Variants in RAX2 observed in about 807,000 individuals in gnomAD.
RAX2 encodes retina and anterior neural fold homeobox 2, also known as retina and anterior neural fold homeobox protein 2.
In RAX2, 4 loss-of-function variants were observed where a neutral mutation model predicts 5.8. The ratio of observed to expected loss-of-function variants is 0.69; its 90% CI spans 0.34 to 1.58. The LOEUF is 1.58. RAX2 is among the 40% of genes most tolerant of loss of function. RAX2 has a pLI of 0.05. For synonymous variants in RAX2, 133 were observed against 128.8 expected (o/e 1.03, Z -0.22); for missense variants, 275 against 271.4 (o/e 1.01, Z -0.09).
chr19:3,772,080 C>T (rs2037272627), intron 1 of RAX2, 70 bp from the exon 2 acceptor site: 1 of 448,868 alleles, frequency 2.2e-6, no homozygotes, highest in Non-Finnish European at 4.3e-6. Flanking sequence ...GATCCCTTCT[C>T]ACGCCCTAAG....
At position 3,772,156 on chromosome 19, in the gene RAX2, C is replaced by T; in HGVS notation, c.-269+7G>A. 1 of 464,000 alleles carries T rather than the reference C, an allele frequency of 2.2e-6. No homozygotes were observed. The highest frequency in any genetic ancestry group is 1.6e-5 in the South Asian group (1 of 64,034). 28.7% of individuals were successfully genotyped at this position (464,000 alleles called of 1,614,324 possible). ...CCCAGGCCCACCAGTGCCCACCCCG[C>T]ACTCACCGCCCACGGCAGCCCCTCC... On this transcript the variant is annotated splice_region_variant and intron_variant, in intron 1 of 2. Transcript: ENST00000555633.
rs1016649745 is a variant in RAX2 at position 3,771,484 on chromosome 19, T to C, written c.216+43A>G. The stretch of plus-strand genomic sequence containing the variant: ...GGGTCAGGATCTTGCTTTGCCTCCC[T>C]CCCCAGGTTGCAAAAGATGTGTGTG... On this transcript the variant is annotated intron_variant, in intron 2 of 2. Coordinates refer to ENST00000555633, the MANE Select transcript of RAX2 (RefSeq NM_001319074.4). The surrounding 1 kb of genome is among the most constrained non-coding windows in gnomAD (Gnocchi z 4.2). 39 of 1,489,172 alleles carry C rather than the reference T, an allele frequency of 2.6e-5. No individual in the cohort carries two copies. The African/African-American group carries it at 4.4e-4, about 17-fold the overall frequency. 92.2% of individuals were successfully genotyped at this position (1,489,172 alleles called of 1,614,324 possible). A position where few individuals can be genotyped will look rare whatever the true frequency, so the allele number is the denominator to read the frequency against.
In RAX2 at chr19:3,771,788, G is replaced by C; in HGVS notation, c.-46C>G. The C allele has an allele frequency of 3.9e-6, 6 of 1,532,958 alleles. No individual in the cohort carries two copies. The highest frequency in any genetic ancestry group is 5.3e-6 in the Non-Finnish European group (6 of 1,141,508). 95.0% of individuals were successfully genotyped at this position (1,532,958 alleles called of 1,614,324 possible). ...GCAGCGGGACAGATGGTGGGGAGACGGCTGGGGGGGCTACCGGCAGGGACA... is the reference window on the plus strand; with the variant it reads ...GCAGCGGGACAGATGGTGGGGAGACCGCTGGGGGGGCTACCGGCAGGGACA... On this transcript the variant is annotated 5_prime_UTR_variant, in exon 2 of 3. Coordinates refer to ENST00000555633, the MANE Select transcript of RAX2 (RefSeq NM_001319074.4). This position sits in a 1 kb window ranked among gnomAD's most constrained non-coding sequence, Gnocchi z 4.2.
rs960109331 is a variant in RAX2 at position 3,770,390 on chromosome 19, C to T, written c.*231G>A. ...AATACTTGGGTCACCTCCTGCCTGA[C>T]ACTGGGGGCCAGTCCGCTGCCAGCA... On this transcript the variant is annotated 3_prime_UTR_variant, in exon 3 of 3. Coordinates refer to ENST00000555633, the MANE Select transcript of RAX2 (RefSeq NM_001319074.4). 7 of 542,630 alleles carry T rather than the reference C, an allele frequency of 1.3e-5. No homozygotes were observed. The highest frequency in any genetic ancestry group is 3.6e-5 in the Admixed American group (1 of 27,994). The allele number at this position is 542,630 out of a possible 1,614,324, so 33.6% of individuals were successfully genotyped here.
rs2037223256 is a variant in RAX2, at chr19:3,769,140, T to C, written c.*1481A>G. 6.6e-6 allele frequency: 1 copy of C among 152,312 alleles called. No homozygotes were observed. The highest frequency in any genetic ancestry group is 2.1e-4 in the South Asian group (1 of 4,854). The allele number at this position is 152,312 out of a possible 1,614,324, so 9.4% of individuals were successfully genotyped here. A position where few individuals can be genotyped will look rare whatever the true frequency, so the allele number is the denominator to read the frequency against. On this transcript the variant is annotated 3_prime_UTR_variant, in exon 3 of 3. Transcript: ENST00000555633. ...GTATTGAGTCAGGGTCTGGCTCTGT[T>C]GCACAGGCTGGAGTGCAGCAGTGTG...
Position 3,770,738 on chromosome 19 carries a change from G to A in RAX2, c.438C>T (p.Phe146=), listed in dbSNP as rs1468184577. Residue 146 remains phenylalanine, a synonymous_variant, in exon 3 of 3, where the codon TTC becomes TTT. Coordinates refer to ENST00000555633, the MANE Select transcript of RAX2 (RefSeq NM_001319074.4). ...AGGTGGGAGCAAAGGCATGAGGCCCGAAGGACGCTTGCAGCCCCGGGCCCG... is the reference window on the plus strand; with the variant it reads ...AGGTGGGAGCAAAGGCATGAGGCCCAAAGGACGCTTGCAGCCCCGGGCCCG... ...LGPGPGLQAS[F]GPHAFAPTFA... 1.2e-5 allele frequency: 19 copies of A among 1,533,840 alleles called. No individual in the cohort carries two copies. The highest frequency in any genetic ancestry group is 1.8e-4 in the Middle Eastern group (1 of 5,566).
chr19:3,770,245 A>G lies in RAX2; in HGVS notation c.*376T>C. 3.4e-6 allele frequency: 1 copy of G among 290,688 alleles called. No homozygotes were observed. Among genetic ancestry groups the G allele is most frequent in the East Asian group, 7.6e-5 (1 of 13,176 alleles). The allele number at this position is 290,688 out of a possible 1,614,324, so 18.0% of individuals were successfully genotyped here. ...AGAGAGATTTACACTCATCTTACAGAGTCAGCGGTCCCGCCACCCACAGCC... is the reference window on the plus strand; with the variant it reads ...AGAGAGATTTACACTCATCTTACAGGGTCAGCGGTCCCGCCACCCACAGCC... On this transcript the variant is annotated 3_prime_UTR_variant, in exon 3 of 3. Transcript: ENST00000555633.
rs1255859869 is a variant in RAX2 at position 3,770,534 on chromosome 19, G to T, written c.*87C>A. The T allele has an allele frequency of 7.0e-6, 9 of 1,286,614 alleles. No individual in the cohort carries two copies. The South Asian group carries it at 1.1e-4, about 15-fold the overall frequency. 79.7% of individuals were successfully genotyped at this position (1,286,614 alleles called of 1,614,324 possible). A position where few individuals can be genotyped will look rare whatever the true frequency, so the allele number is the denominator to read the frequency against. Reference sequence around the variant, plus strand: ...TGACCACGGTTGCTCCATGACCTCGGCCTAGGCCAAGGCGTGGTGGCTGTC... The same window carrying T: ...TGACCACGGTTGCTCCATGACCTCGTCCTAGGCCAAGGCGTGGTGGCTGTC... On this transcript the variant is annotated 3_prime_UTR_variant, in exon 3 of 3. Transcript: ENST00000555633.
rs982970212 is a variant in RAX2, at chr19:3,771,956, CTCTG to C, written c.-218_-215del. 4.8e-6 allele frequency: 4 copies of C among 834,702 alleles called. No individual in the cohort carries two copies. Among genetic ancestry groups the C allele is most frequent in the African/African-American group, 1.7e-5 (1 of 57,410 alleles). The allele number at this position is 834,702 out of a possible 1,614,324, so 51.7% of individuals were successfully genotyped here. ...TGTGCCTCTGTCTGCTCTTCCTTCTCTCTGTGTGTGTCACCGTCCCTGTTTTCTC... is the reference window on the plus strand; with the variant it reads ...TGTGCCTCTGTCTGCTCTTCCTTCTCTGTGTGTCACCGTCCCTGTTTTCTC... On this transcript the variant is annotated 5_prime_UTR_variant, in exon 2 of 3. Transcript: ENST00000555633. This position sits in a 1 kb window ranked among gnomAD's most constrained non-coding sequence, Gnocchi z 4.2.
chr19:3,771,582 A>G lies in RAX2; in HGVS notation c.161T>C (p.Val54Ala). ...RAFEASHYPD[V>A]YSREELAAKV... ...GGCTGCCAGCTCCTCACGGCTGTACACATCCGGGTAGTGAGAGGCCTCGAA... is the reference window on the plus strand; with the variant it reads ...GGCTGCCAGCTCCTCACGGCTGTACGCATCCGGGTAGTGAGAGGCCTCGAA... The change falls in exon 2 of 3, where the codon GTG (valine) becomes GCG (alanine). Residue 54 changes from valine (V) to alanine (A), a missense_variant. Val to Ala is a moderately conservative substitution (Grantham distance 64, BLOSUM62 0). Coordinates refer to ENST00000555633, the MANE Select transcript of RAX2 (RefSeq NM_001319074.4). This position sits in a 1 kb window ranked among gnomAD's most constrained non-coding sequence, Gnocchi z 4.2. The G allele has an allele frequency of 6.2e-7, 1 of 1,611,460 alleles. No individual in the cohort carries two copies. The highest frequency in any genetic ancestry group is 8.5e-7 in the Non-Finnish European group (1 of 1,179,280).
Position 3,771,706 on chromosome 19 carries a change from C to A in RAX2, c.37G>T (p.Gly13Cys). Reference protein sequence around the residue: ...LSPGEGPATEGGGLGPGEEAP... With the variant: ...LSPGEGPATECGGLGPGEEAP... ...TCCTCGCCCGGCCCCAGACCCCCAC[C>A]CTCGGTTGCCGGCCCCTCGCCCGGG... The change falls in exon 2 of 3, where the codon GGT (glycine) becomes TGT (cysteine). Residue 13 changes from glycine (G) to cysteine (C), a missense_variant. By Grantham distance (159) the Gly-to-Cys change is radical (BLOSUM62 -3). Coordinates refer to ENST00000555633, the MANE Select transcript of RAX2 (RefSeq NM_001319074.4). This position sits in a 1 kb window ranked among gnomAD's most constrained non-coding sequence, Gnocchi z 4.2. 6.2e-7 allele frequency: 1 copy of A among 1,610,412 alleles called. No homozygotes were observed.
chr19:3,770,926 G>A lies in RAX2; in HGVS notation c.250C>T (p.Arg84Cys), dbSNP rs148629445. The change falls in exon 3 of 3, where the codon CGC (arginine) becomes TGC (cysteine). Residue 84 changes from arginine to cysteine, a missense_variant. By Grantham distance (180) the Arg-to-Cys change is radical. Transcript: ENST00000555633. The stretch of plus-strand genomic sequence containing the variant: ...GAGCCTGACTCCAGCCGCTCCTGGC[G>A]GCGCCACTTGGCCCGGCGGTTCTGG... Reference protein sequence around the residue: ...WFQNRRAKWRRQERLESGSGA... With the variant: ...WFQNRRAKWRCQERLESGSGA... The A allele has an allele frequency of 4.5e-5, 71 of 1,561,086 alleles. No homozygotes were observed. The African/African-American group carries it at 6.2e-4, about 14-fold the overall frequency.
At position 3,770,393 on chromosome 19, in the gene RAX2, T is replaced by C. The variant is rs2037240014; in HGVS notation, c.*228A>G. 9.2e-6 allele frequency: 5 copies of C among 544,884 alleles called. 1 individual carries two copies. The highest frequency in any genetic ancestry group is 6.0e-5 in the African/African-American group (3 of 49,624). The allele number at this position is 544,884 out of a possible 1,614,324, so 33.8% of individuals were successfully genotyped here. ...ACTTGGGTCACCTCCTGCCTGACAC[T>C]GGGGGCCAGTCCGCTGCCAGCAGGA... is the stretch of plus-strand genomic sequence containing the variant. On this transcript the variant is annotated 3_prime_UTR_variant, in exon 3 of 3. Coordinates refer to ENST00000555633, the MANE Select transcript of RAX2 (RefSeq NM_001319074.4).
At position 3,770,864 on chromosome 19, in the gene RAX2, T is replaced by C. The variant is rs2037249458; in HGVS notation, c.312A>G (p.Pro104=). The change falls in exon 3 of 3, where the codon CCA becomes CCG. Residue 104 remains proline (P), a synonymous_variant. Transcript: ENST00000555633. ...AVAAPRLPEA[P]ALPFARPPAM... is the part of the protein sequence containing the mutation. The stretch of plus-strand genomic sequence containing the variant: ...CCGGGGGGCGGGCGAACGGCAGCGC[T>C]GGGGCCTCGGGGAGTCTCGGAGCTG... The C allele has an allele frequency of 3.9e-6, 6 of 1,533,820 alleles. No homozygotes were observed. Among genetic ancestry groups the C allele is most frequent in the South Asian group, 1.2e-5 (1 of 84,138 alleles).
In RAX2 at chr19:3,770,685, G is replaced by A. The variant is rs771442676; in HGVS notation, c.491C>T (p.Ala164Val). Residue 164 changes from alanine to valine, a missense_variant, in exon 3 of 3, where the codon GCG becomes GTG. Transcript: ENST00000555633. ...TFADGFALEE[A>V]SLRLLAKEHA... is the part of the protein sequence containing the mutation. ...TTCCTTGGCCAGCAGCCGCAGGGAC[G>A]CCTCCTCCAGGGCGAAGCCATCTGC... 2.2e-5 allele frequency: 34 copies of A among 1,535,496 alleles called. No homozygotes were observed. In the African/African-American group the frequency reaches 2.9e-4, roughly 13 times the overall value.
Position 3,771,842 on chromosome 19 carries a change from G to A in RAX2, c.-100C>T, listed in dbSNP as rs894749740. 24 of 1,465,294 alleles carry A rather than the reference G, an allele frequency of 1.6e-5. No individual in the cohort carries two copies. Among genetic ancestry groups the A allele is most frequent in the Middle Eastern group, 2.0e-4 (1 of 4,898 alleles). 90.8% of individuals were successfully genotyped at this position (1,465,294 alleles called of 1,614,324 possible). A position where few individuals can be genotyped will look rare whatever the true frequency, so the allele number is the denominator to read the frequency against. ...CAGGGGAGCCCCAGGCTTGCCTCCC[G>A]GCTCCGGGGAAATCGGTTCCCTCCA... On this transcript the variant is annotated 5_prime_UTR_variant, in exon 2 of 3. Coordinates refer to ENST00000555633, the MANE Select transcript of RAX2 (RefSeq NM_001319074.4). The surrounding 1 kb of genome is among the most constrained non-coding windows in gnomAD (Gnocchi z 4.2).
Position 3,771,838 on chromosome 19 carries a change from T to C in RAX2, c.-96A>G. On this transcript the variant is annotated 5_prime_UTR_variant, in exon 2 of 3. Transcript: ENST00000555633. This position sits in a 1 kb window ranked among gnomAD's most constrained non-coding sequence, Gnocchi z 4.2. ...AGGGCAGGGGAGCCCCAGGCTTGCC[T>C]CCCGGCTCCGGGGAAATCGGTTCCC... The C allele has an allele frequency of 6.8e-7, 1 of 1,469,006 alleles. No homozygotes were observed. 91.0% of individuals were successfully genotyped at this position (1,469,006 alleles called of 1,614,324 possible). A position where few individuals can be genotyped will look rare whatever the true frequency, so the allele number is the denominator to read the frequency against.
In RAX2 at chr19:3,771,388, T is replaced by C; in HGVS notation, c.216+139A>G. Reference sequence around the variant, plus strand: ...CAGCTGGCACACTCCTACTCAAATGTCAAAACCTCAGCTCCCACACCCCCT... The same window carrying C: ...CAGCTGGCACACTCCTACTCAAATGCCAAAACCTCAGCTCCCACACCCCCT... On this transcript the variant is annotated intron_variant, in intron 2 of 2. Transcript: ENST00000555633. This position sits in a 1 kb window ranked among gnomAD's most constrained non-coding sequence, Gnocchi z 4.2. The C allele has an allele frequency of 1.4e-6, 1 of 720,122 alleles. No homozygotes were observed. 44.6% of individuals were successfully genotyped at this position (720,122 alleles called of 1,614,324 possible).
chr19:3,771,995 C>CTG lies in RAX2; in HGVS notation c.-255_-254dup. On this transcript the variant is annotated 5_prime_UTR_variant, in exon 2 of 3. Transcript: ENST00000555633. This position sits in a 1 kb window ranked among gnomAD's most constrained non-coding sequence, Gnocchi z 4.2. ...CCGTCCCTGTTTTCTCTTCCCCTCT[C>CTG]TGTGACTGTCACGGCCTGTGTGTGT... 1 of 602,548 alleles carries CTG rather than the reference C, an allele frequency of 1.7e-6. No individual in the cohort carries two copies. Among genetic ancestry groups the CTG allele is most frequent in the Non-Finnish European group, 2.9e-6 (1 of 347,542 alleles). 37.3% of individuals were successfully genotyped at this position (602,548 alleles called of 1,614,324 possible).
Sources: gnomAD v4.1 joint callset for allele counts on GRCh38, gnomAD v4.1.1 for gene constraint, Gnocchi (gnomAD v3.1) non-coding constraint, MANE v1.5 for transcripts, NCBI Gene and HGNC (gene_info 2026-07-23, HGNC 2026-07-21) for gene names.